UBAP1: variants seen among roughly 807,000 people sequenced by gnomAD.
The protein encoded by UBAP1 is ubiquitin-associated protein 1.
A neutral mutation model predicts 39.0 loss-of-function variants in UBAP1; 5 were observed. That is an observed-to-expected ratio of 0.13 (90% confidence interval 0.07 to 0.27). UBAP1 has a LOEUF of 0.27. Among genes scored for constraint, UBAP1 ranks in the 10% least tolerant of loss-of-function variants. UBAP1 has a pLI of 1.00. For missense variants in UBAP1, 490 were observed against 608.1 expected, an observed-to-expected ratio of 0.81 and a Z score of 2.04; for synonymous variants, 211 against 225.1, an observed-to-expected ratio of 0.94 and a Z score of 0.56.
chr9:34,231,125 TTATGTGTGTGTGTGTG>T (rs1319295782), intron 2 of UBAP1, among the ~76,000 whole-genome samples: 2 of 96,694 alleles, frequency 2.1e-5, no homozygotes, highest in Non-Finnish European at 2.1e-5. Context: ...TTTAAAAAAA[TTATGTGTGTGTGTGTG>T]TGTGTGTGTG....
At chr9:34,250,355 G>A (rs1834412800) in intron 5 of UBAP1, among the ~76,000 whole-genome samples, 1 of 152,200 alleles carries the variant, frequency 6.6e-6, no homozygotes, top group Non-Finnish European at 1.5e-5. Flanking sequence ...GACTTGGGCT[G>A]TTTTCTTAGA....
chr9:34,217,605 CAT>C (rs993103619), intron 1 of UBAP1, among the ~76,000 whole-genome samples: 2 of 149,956 alleles, frequency 1.3e-5, no homozygotes, highest in Admixed American at 6.7e-5. Context: ...TTCGGGGGCA[CAT>C]GTGCGGTTTG....
At chr9:34,182,155 C>G (rs1830072662) in intron 1 of UBAP1, among the ~76,000 whole-genome samples, 1 of 127,784 alleles carries the variant, frequency 7.8e-6, no homozygotes, top group Non-Finnish European at 1.6e-5. Flanking sequence ...TTAAGGATCC[C>G]TGACGTTTAT....
In UBAP1 at chr9:34,241,901, C is replaced by T. The variant is rs765106782; in HGVS notation, c.876C>T (p.Cys292=). ...KLASTFHSTS[C]LRNGTFQNSL... Reference sequence around the variant, plus strand: ...CGAGCACTTTCCATAGCACATCCTGCCTCCGCAATGGCACGTTCCAGAATT... The same window carrying T: ...CGAGCACTTTCCATAGCACATCCTGTCTCCGCAATGGCACGTTCCAGAATT... The change falls in exon 4 of 7, where the codon TGC becomes TGT. Residue 292 remains cysteine, a synonymous_variant. Transcript: ENST00000297661. The T allele has an allele frequency of 1.9e-6, 3 of 1,614,212 alleles. No individual in the cohort carries two copies. The South Asian group carries it at 3.3e-5, about 18-fold the overall frequency.
chr9:34,184,424 G>T (rs972149548), intron 1 of UBAP1, among the ~76,000 whole-genome samples: 3 of 151,234 alleles, frequency 2.0e-5, no homozygotes, highest in Non-Finnish European at 4.4e-5. Context: ...AAGGTCAGGA[G>T]ATCGAGACCA....
chr9:34,208,310 A>G (rs1355057930), intron 1 of UBAP1, among the ~76,000 whole-genome samples: 1 of 152,070 alleles, frequency 6.6e-6, no homozygotes, highest in Admixed American at 6.6e-5. Flanking sequence ...CATTTTGTAA[A>G]TACAAATTAG....
At chr9:34,242,243 C>G in intron 4 of UBAP1, 135 bp downstream of exon 4, 2 of 947,538 alleles carry the variant, frequency 2.1e-6, no homozygotes. Context: ...GTGGTGTGAT[C>G]GTACCTTATT....
chr9:34,225,050 C>T (rs1832972846), intron 2 of UBAP1, among the ~76,000 whole-genome samples: 1 of 152,150 alleles, frequency 6.6e-6, no homozygotes, highest in Non-Finnish European at 1.5e-5. Context: ...TTGGTCAAGG[C>T]AAACTGATGG....
chr9:34,238,673 T>C (rs539305763), intron 3 of UBAP1, among the ~76,000 whole-genome samples: 1 of 152,228 alleles, frequency 6.6e-6, no homozygotes, highest in South Asian at 2.1e-4. Flanking sequence ...GGAGACTTTA[T>C]TGGGCCAGAA....
At chr9:34,211,402 T>A (rs1537217) in intron 1 of UBAP1, among the ~76,000 whole-genome samples, 1 of 152,196 alleles carries the variant, frequency 6.6e-6, no homozygotes, top group Non-Finnish European at 1.5e-5. Context: ...GCCATCTTTT[T>A]GTGTAAATTA....
chr9:34,239,673 A>G (rs1282431411), intron 3 of UBAP1, among the ~76,000 whole-genome samples: 1 of 152,180 alleles, frequency 6.6e-6, no homozygotes, highest in African/African-American at 2.4e-5. Flanking sequence ...TAGCTATATA[A>G]TCTTGGACAG....
At chr9:34,199,630 T>C (rs557259626) in intron 1 of UBAP1, among the ~76,000 whole-genome samples, 1 of 151,958 alleles carries the variant, frequency 6.6e-6, no homozygotes, top group South Asian at 2.1e-4. Flanking sequence ...TCTTCTTCTT[T>C]TTTTTTTCTC....
intron 3 of UBAP1, among the ~76,000 whole-genome samples, chr9:34,240,303 G>A (rs1365443182): frequency 6.6e-6 from 1 of 152,172 alleles, no homozygotes; most frequent in Admixed American, 6.5e-5. Flanking sequence ...GCTTGAGTAT[G>A]ACCAGGGGCT....
At chr9:34,189,507 G>A (rs552694562) in intron 1 of UBAP1, among the ~76,000 whole-genome samples, 2 of 151,708 alleles carry the variant, frequency 1.3e-5, no homozygotes, top group East Asian at 3.9e-4. Context: ...TGTCTTATAG[G>A]ATACCTCATG....
At chr9:34,249,737 G>T in intron 4 of UBAP1, 42 bp from the exon 5 acceptor site, 5 of 1,594,794 alleles carry the variant, frequency 3.1e-6, no homozygotes, top group Non-Finnish European at 4.3e-6. Context: ...CTTCTTTGGG[G>T]GCCCAGGTCT....
At chr9:34,212,509 C>T (rs1448981667) in intron 1 of UBAP1, among the ~76,000 whole-genome samples, 1 of 151,462 alleles carries the variant, frequency 6.6e-6, no homozygotes, top group Non-Finnish European at 1.5e-5. Context: ...TGTTATGTGC[C>T]TTTAGTAGAC....
intron 2 of UBAP1, among the ~76,000 whole-genome samples, chr9:34,230,075 T>A (rs1017109508): frequency 3.9e-5 from 6 of 152,146 alleles, no homozygotes; most frequent in Non-Finnish European, 8.8e-5. Flanking sequence ...TTATTAGTAT[T>A]ATTATTGAAA....
chr9:34,212,083 T>G (rs936556310), intron 1 of UBAP1: 1 of 366,630 alleles, frequency 2.7e-6, no homozygotes, highest in Admixed American at 3.4e-5. Flanking sequence ...TGATTGATAC[T>G]TTCCCTTTAA....
intron 1 of UBAP1, among the ~76,000 whole-genome samples, chr9:34,196,898 T>TTG (rs777008697): frequency 0.16 from 22,968 of 141,204 alleles, 2,101 homozygotes; most frequent in East Asian, 0.48. Context: ...ATATTGTTAT[T>TTG]TGTGTGTGTG....
Sources: allele counts gnomAD v4.1 joint callset (sites outside exome capture counted in the v4.1 genomes callset), GRCh38; gene constraint gnomAD v4.1.1; transcripts MANE v1.5; gene names NCBI Gene and HGNC (gene_info 2026-07-23, HGNC 2026-07-21).